CDH8: variants seen among roughly 807,000 people sequenced by gnomAD.
CDH8 encodes the protein cadherin-8.
Under a neutral mutation model 68.1 loss-of-function variants are expected in CDH8, and 17 were observed. That is an observed-to-expected ratio of 0.25 (90% CI 0.17 to 0.37). The LOEUF is 0.37. Ranked by LOEUF, CDH8 falls within the 10% of genes least tolerant of loss-of-function variation. The pLI, the probability that CDH8 is intolerant of heterozygous loss-of-function variation, is 1.00. For missense variants in CDH8, 763 were observed against 999.3 expected (o/e 0.76, Z 3.19); for synonymous variants, 372 against 365.1 (o/e 1.02, Z -0.21).
chr16:61,656,781 G>T (rs1217729421), intron 10 of CDH8, among the ~76,000 whole-genome samples: 1 of 152,266 alleles, frequency 6.6e-6, no homozygotes, highest in Non-Finnish European at 1.5e-5. Context: ...AGTAAAACTG[G>T]TCAGTGAGAA....
intron 2 of CDH8, among the ~76,000 whole-genome samples, chr16:62,010,800 G>A (rs576656275): frequency 2.5e-4 from 38 of 151,900 alleles, no homozygotes; most frequent in African/African-American, 7.0e-4. Flanking sequence ...AAAATTAGCC[G>A]GCCATGGTGG....
At chr16:62,030,363 G>A (rs1481725631) in intron 1 of CDH8, among the ~76,000 whole-genome samples, 1 of 151,876 alleles carries the variant, frequency 6.6e-6, no homozygotes, top group Admixed American at 6.6e-5. Flanking sequence ...AAATAAGTAT[G>A]AATTGTTTTT....
chr16:61,992,770 C>T (rs562931509), intron 2 of CDH8, among the ~76,000 whole-genome samples: 1 of 152,224 alleles, frequency 6.6e-6, no homozygotes, highest in East Asian at 1.9e-4. Flanking sequence ...TGGTGTCGAA[C>T]ACGGACATTT....
intron 2 of CDH8, among the ~76,000 whole-genome samples, chr16:61,932,104 A>G (rs925983534): frequency 1.1e-4 from 17 of 151,362 alleles, no homozygotes; most frequent in Non-Finnish European, 2.2e-4. Flanking sequence ...CTACTCGGGA[A>G]GCTGAGGCAG....
At chr16:61,709,761 C>T (rs552892085) in intron 10 of CDH8, among the ~76,000 whole-genome samples, 2 of 152,166 alleles carry the variant, frequency 1.3e-5, no homozygotes, top group South Asian at 4.1e-4. Context: ...ATATTCAAAA[C>T]CATATGCAGG....
intron 7 of CDH8, 91 bp from the exon 8 acceptor site, chr16:61,789,573 T>G: frequency 8.2e-7 from 1 of 1,219,634 alleles, no homozygotes; most frequent in Admixed American, 2.8e-5. Context: ...GAGAGCCATA[T>G]TTGTGAAATC....
chr16:61,691,869 TA>T (rs1380100577), intron 10 of CDH8: 1 of 152,156 alleles, frequency 6.6e-6, no homozygotes, highest in Admixed American at 6.5e-5. Flanking sequence ...GTGATCAACT[TA>T]TTAGACATTG....
At chr16:61,739,621 C>T (rs1194953428) in intron 8 of CDH8, among the ~76,000 whole-genome samples, 1 of 150,926 alleles carries the variant, frequency 6.6e-6, no homozygotes, top group Non-Finnish European at 1.5e-5. Flanking sequence ...ATTATTATTG[C>T]ACCAACCTAA....
intron 10 of CDH8, among the ~76,000 whole-genome samples, chr16:61,688,680 C>A (rs1016157248): frequency 2.0e-5 from 3 of 151,856 alleles, no homozygotes; most frequent in African/African-American, 7.3e-5. Context: ...AAATTCCCTG[C>A]CATTCTATCC....
chr16:61,947,568 G>A (rs1374454273), intron 2 of CDH8, among the ~76,000 whole-genome samples: 1 of 152,104 alleles, frequency 6.6e-6, no homozygotes, highest in Non-Finnish European at 1.5e-5. Flanking sequence ...AGCAGAATTT[G>A]TTTCAGACAG....
chr16:61,960,015 T>TATATATATATATATATATATATAC (rs1198530274), intron 2 of CDH8, among the ~76,000 whole-genome samples: 1 of 73,234 alleles, frequency 1.4e-5, no homozygotes, highest in East Asian at 5.0e-4. Context: ...TATATATATA[T>TATATATATATATATATATATATAC]ACACACATAC....
chr16:61,841,975 C>T (rs7196487), intron 4 of CDH8, among the ~76,000 whole-genome samples: 4,426 of 152,070 alleles, frequency 0.029, 207 homozygotes, highest in African/African-American at 0.1. Flanking sequence ...GCAAGCTCTG[C>T]CTCCCAGGTT....
intron 2 of CDH8, among the ~76,000 whole-genome samples, chr16:62,012,045 A>C (rs969273692): frequency 1.3e-5 from 2 of 152,250 alleles, no homozygotes; most frequent in Non-Finnish European, 2.9e-5. Context: ...AACTTAAGTT[A>C]ATTATAATGG....
chr16:61,828,502 C>T (rs1180398551), intron 4 of CDH8, among the ~76,000 whole-genome samples: 1 of 151,826 alleles, frequency 6.6e-6, no homozygotes, highest in African/African-American at 2.4e-5. Context: ...TATCTACACA[C>T]GTTTTATGCA....
rs1198530274 is a variant in CDH8 at position 61,960,015 on chromosome 16, T to TATATAC, written c.253-58543_253-58542insGTATAT. ...ATATATATATATATATATATATATA[T>TATATAC]ACACACATACACACACACACACAAC... On this transcript the variant is annotated intron_variant, in intron 2 of 11. Coordinates refer to ENST00000577390, the MANE Select transcript of CDH8 (RefSeq NM_001796.5). 2.2e-3 allele frequency among the ~76,000 whole-genome samples: 159 copies of TATATAC among 73,218 alleles called. 17 individuals are homozygous for TATATAC. The highest frequency in any genetic ancestry group is 4.2e-3 in the African/African-American group (40 of 9,614). The allele number at this position is 73,218 out of a possible 152,430, so 48.0% of individuals were successfully genotyped here. A position where few individuals can be genotyped will look rare whatever the true frequency, so the allele number is the denominator to read the frequency against.
intron 11 of CDH8, among the ~76,000 whole-genome samples, chr16:61,655,079 C>G (rs1011177779): frequency 1.3e-5 from 2 of 152,066 alleles, no homozygotes; most frequent in African/African-American, 4.8e-5. Context: ...ACTCAGCAAC[C>G]CAAACTACAA....
At chr16:61,898,454 A>ATTGTATTGT in intron 3 of CDH8, among the ~76,000 whole-genome samples, 1 of 152,284 alleles carries the variant, frequency 6.6e-6, no homozygotes, top group African/African-American at 2.4e-5. Flanking sequence ...GGGTGTATCT[A>ATTGTATTGT]CCAAAGTCAT....
intron 2 of CDH8, among the ~76,000 whole-genome samples, chr16:61,932,778 G>T (rs1259109864): frequency 1.3e-5 from 2 of 152,134 alleles, no homozygotes; most frequent in African/African-American, 4.8e-5. Flanking sequence ...ATAACCAGTT[G>T]CAGGGAAAAA....
chr16:61,784,745 C>T (rs879621822), intron 8 of CDH8, among the ~76,000 whole-genome samples: 40 of 150,432 alleles, frequency 2.7e-4, no homozygotes, highest in African/African-American at 6.6e-4. Context: ...GTCTCTCAGA[C>T]CACAGTGCAA....
Sources: allele counts gnomAD v4.1 joint callset (sites outside exome capture counted in the v4.1 genomes callset), GRCh38; gene constraint gnomAD v4.1.1; transcripts MANE v1.5; gene names NCBI Gene and HGNC (gene_info 2026-07-23, HGNC 2026-07-21).